CFAP61: variants seen among roughly 807,000 people sequenced by gnomAD.
The protein encoded by CFAP61 is cilia and flagella associated protein 61.
A neutral mutation model predicts 135.6 loss-of-function variants in CFAP61; 107 were observed. That is an observed-to-expected ratio of 0.79 (90% confidence interval 0.67 to 0.93). The LOEUF is 0.93. Ranked by LOEUF, CFAP61 falls within the 40% of genes least tolerant of loss-of-function variation. CFAP61 has a pLI of 0.00. For synonymous variants in CFAP61, 575 were observed against 578.5 expected, an observed-to-expected ratio of 0.99 and a Z score of 0.09; for missense variants, 1,507 against 1,556.2, an observed-to-expected ratio of 0.97 and a Z score of 0.53.
At chr20:20,311,248 G>T (rs1200289103) in intron 25 of CFAP61, among the ~76,000 whole-genome samples, 1 of 152,172 alleles carries the variant, frequency 6.6e-6, no homozygotes, top group Non-Finnish European at 1.5e-5. Context: ...TGAGGATGAT[G>T]GTTCTAATAA....
chr20:20,315,698 T>G (rs950339446), intron 25 of CFAP61, among the ~76,000 whole-genome samples: 6 of 152,218 alleles, frequency 3.9e-5, no homozygotes, highest in Non-Finnish European at 2.9e-5. Context: ...TTAATCCATC[T>G]TGAATTAATG....
intron 7 of CFAP61, among the ~76,000 whole-genome samples, chr20:20,094,084 T>TTTA (rs2047396101): frequency 6.6e-6 from 1 of 152,222 alleles, no homozygotes; most frequent in Admixed American, 6.5e-5. Flanking sequence ...ATGACATGAC[T>TTTA]TTATAGAGAT....
intron 25 of CFAP61, 140 bp downstream of exon 25, chr20:20,298,526 A>G (rs1246398735): frequency 1.2e-4 from 88 of 718,180 alleles, no homozygotes; most frequent in Non-Finnish European, 1.5e-4. Context: ...TTTCGTTCTA[A>G]TGAAGAACAC....
chr20:20,352,445 A>G (rs1177460068), intron 26 of CFAP61, among the ~76,000 whole-genome samples: 2 of 152,244 alleles, frequency 1.3e-5, no homozygotes, highest in African/African-American at 2.4e-5. Context: ...GGGTGGGGAC[A>G]CAGAGCCAAA....
chr20:20,135,832 GTT>G (rs2050883156), intron 8 of CFAP61, among the ~76,000 whole-genome samples: 1 of 152,132 alleles, frequency 6.6e-6, no homozygotes, highest in East Asian at 1.9e-4. Flanking sequence ...TTACCAATGA[GTT>G]TTGTATCTTC....
intron 8 of CFAP61, among the ~76,000 whole-genome samples, chr20:20,132,652 A>G (rs1272090046): frequency 1.3e-5 from 2 of 152,036 alleles, no homozygotes; most frequent in Non-Finnish European, 2.9e-5. Flanking sequence ...TAGGCTGTCT[A>G]TCATTTTTTT....
chr20:20,242,312 C>G (rs2050073084), intron 18 of CFAP61, among the ~76,000 whole-genome samples: 1 of 152,200 alleles, frequency 6.6e-6, no homozygotes, highest in Admixed American at 6.5e-5. Context: ...AGCATGAACC[C>G]TATGAAAAGA....
rs1436607091 is a variant in CFAP61, at chr20:20,191,356, G to A, written c.1527G>A (p.Leu509=). The A allele has an allele frequency of 1.2e-6, 2 of 1,613,068 alleles. No homozygotes were observed. The highest frequency in any genetic ancestry group is 2.2e-5 in the East Asian group (1 of 44,852). The change falls in exon 15 of 27, where the codon CTG becomes CTA. Residue 509 remains leucine, a synonymous_variant. Coordinates refer to ENST00000245957, the MANE Select transcript of CFAP61 (RefSeq NM_015585.4). The part of the protein sequence containing the change: ...KARKDPDGTL[L]QAFVAEVAEQ... ...TATCTTTTCAGGATGGAACACTGCT[G>A]CAGGCATTTGTAGCTGAAGTTGCAG...
Position 20,055,944 on chromosome 20 carries a change from C to T in CFAP61, c.-36-674C>T, listed in dbSNP as rs143987574. The T allele has an allele frequency of 1.1e-4, 178 of 1,601,806 alleles. 1 individual carries two copies. The African/African-American group carries it at 1.7e-3, about 15-fold the overall frequency. On this transcript the variant is annotated intron_variant, in intron 1 of 26. Coordinates refer to ENST00000245957, the MANE Select transcript of CFAP61 (RefSeq NM_015585.4). ...AGAGAAATTGAAATCATTTTGTGAC[C>T]TACTGTTTTTGTCAACAGCATTTCC... is the stretch of plus-strand genomic sequence containing the variant.
At chr20:20,222,451 C>G (rs535150428) in intron 17 of CFAP61, among the ~76,000 whole-genome samples, 6 of 152,116 alleles carry the variant, frequency 3.9e-5, no homozygotes, top group Non-Finnish European at 8.8e-5. Context: ...CTAGAATCAC[C>G]GTTACCCTCA....
intron 17 of CFAP61, among the ~76,000 whole-genome samples, chr20:20,226,364 A>G (rs1443093661): frequency 6.6e-6 from 1 of 152,192 alleles, no homozygotes; most frequent in African/African-American, 2.4e-5. Flanking sequence ...CAGGTTTGGA[A>G]TCTGCAAATT....
Position 20,288,739 on chromosome 20 carries a change from C to G in CFAP61, c.2927C>G (p.Ala976Gly), listed in dbSNP as rs561672973. The change falls in exon 23 of 27, where the codon GCT becomes GGT. Residue 976 changes from alanine (A) to glycine (G), a missense_variant. Coordinates refer to ENST00000245957, the MANE Select transcript of CFAP61 (RefSeq NM_015585.4). ...NFHTNDIAIR[A>G]AGSLTKFSNR... ...CACACCAACGACATAGCCATCAGAGCTGCTGGCTCCCTCACCAAATTCTCC... is the reference window on the plus strand; with the variant it reads ...CACACCAACGACATAGCCATCAGAGGTGCTGGCTCCCTCACCAAATTCTCC... 1.9e-6 allele frequency: 3 copies of G among 1,614,158 alleles called. No homozygotes were observed. In the South Asian group the frequency reaches 3.3e-5, roughly 18 times the overall value.
chr20:20,183,585 A>G (rs1569084949), intron 13 of CFAP61, among the ~76,000 whole-genome samples: 1 of 152,258 alleles, frequency 6.6e-6, no homozygotes, highest in Non-Finnish European at 1.5e-5. Context: ...GTGTAATTTT[A>G]GATTTTTGAA....
intron 8 of CFAP61, among the ~76,000 whole-genome samples, chr20:20,113,825 A>G (rs890499055): frequency 2.6e-5 from 4 of 152,070 alleles, no homozygotes; most frequent in Admixed American, 2.0e-4. Context: ...TCTCTGTTCT[A>G]TTTGTCAACA....
intron 1 of CFAP61, among the ~76,000 whole-genome samples, chr20:20,053,377 A>G (rs1346140708): frequency 6.6e-6 from 1 of 152,248 alleles, no homozygotes; most frequent in Admixed American, 6.5e-5. Context: ...TCTTAAAAAT[A>G]TCCTCCACCA....
chr20:20,132,860 T>G (rs189185535), intron 8 of CFAP61, among the ~76,000 whole-genome samples: 213 of 152,244 alleles, frequency 1.4e-3, no homozygotes, highest in Middle Eastern at 6.8e-3. Context: ...TGTCCTTCTA[T>G]TTTTACCCTT....
intron 2 of CFAP61, among the ~76,000 whole-genome samples, chr20:20,063,471 T>G (rs921149324): frequency 6.6e-6 from 1 of 152,226 alleles, no homozygotes; most frequent in African/African-American, 2.4e-5. Context: ...TTGATTAGTC[T>G]AATTCATCAA....
intron 8 of CFAP61, among the ~76,000 whole-genome samples, chr20:20,108,371 A>G (rs2048556391): frequency 6.6e-6 from 1 of 152,224 alleles, no homozygotes; most frequent in Non-Finnish European, 1.5e-5. Context: ...AAAATGAACA[A>G]ACAAAAAATA....
intron 18 of CFAP61, among the ~76,000 whole-genome samples, chr20:20,239,777 T>C (rs2049876954): frequency 6.6e-6 from 1 of 152,208 alleles, no homozygotes; most frequent in Non-Finnish European, 1.5e-5. Flanking sequence ...GTAGGGATTT[T>C]AAAACCGGAA....
Sources: allele counts gnomAD v4.1 joint callset (sites outside exome capture counted in the v4.1 genomes callset), GRCh38; gene constraint gnomAD v4.1.1; transcripts MANE v1.5; gene names NCBI Gene and HGNC (gene_info 2026-07-23, HGNC 2026-07-21).